The following ZNF700 variants were observed in gnomAD, a reference collection of about 807,000 sequenced individuals.
ZNF700 encodes zinc finger protein 700.
In ZNF700, 38 loss-of-function variants were observed where a neutral mutation model predicts 65.3. The ratio of observed to expected loss-of-function variants is 0.58; its 90% CI spans 0.45 to 0.76. The LOEUF is 0.76. Ranked by LOEUF, ZNF700 falls within the 30% of genes least tolerant of loss-of-function variation. The probability of loss-of-function intolerance (pLI) is 0.00; values close to 1 mark genes in which losing one functional copy is unlikely to be tolerated. For missense variants in ZNF700, 857 were observed against 888.4 expected, an observed-to-expected ratio of 0.96 and a Z score of 0.45; for synonymous variants, 285 against 290.4, an observed-to-expected ratio of 0.98 and a Z score of 0.19.
intron 1 of ZNF700, among the ~76,000 whole-genome samples, chr19:11,940,315 G>A (rs1198511209): frequency 1.3e-5 from 2 of 152,170 alleles, no homozygotes; most frequent in East Asian, 3.9e-4. Flanking sequence ...CTTCAAAAAT[G>A]AAGCCGTGGA....
rs561024599 is a variant in ZNF700 at position 11,928,942 on chromosome 19, TA to T, written c.63+3677del. On this transcript the variant is annotated intron_variant, in intron 1 of 3. Coordinates refer to ENST00000254321, the MANE Select transcript of ZNF700 (RefSeq NM_144566.3). ...TGTGAAAAATCATATTAATATAAGT[TA>T]AAAAAAATAGTGGAGAGGGAAAGGG... Among the ~76,000 whole-genome samples, 4 of 146,366 alleles carry T rather than the reference TA, an allele frequency of 2.7e-5. No individual in the cohort carries two copies. In the South Asian group the frequency reaches 6.3e-4, roughly 23 times the overall value.
intron 1 of ZNF700, among the ~76,000 whole-genome samples, chr19:11,934,573 C>A (rs1244968746): frequency 6.8e-6 from 1 of 147,600 alleles, no homozygotes; most frequent in Non-Finnish European, 1.5e-5. Flanking sequence ...GTTTCCCTGG[C>A]TGGAGTGCAA....
At chr19:11,941,501 T>C (rs1369793198) in intron 1 of ZNF700, among the ~76,000 whole-genome samples, 1 of 152,202 alleles carries the variant, frequency 6.6e-6, no homozygotes, top group Non-Finnish European at 1.5e-5. Context: ...CTGGCACTAC[T>C]GGGGGACCCA....
chr19:11,948,203 G>A (rs1405168180), intron 3 of ZNF700, 73 bp from the exon 4 acceptor site: 1 of 1,522,924 alleles, frequency 6.6e-7, no homozygotes, highest in Non-Finnish European at 8.9e-7. Flanking sequence ...AAAAATGCAA[G>A]TGCAATACTT....
intron 1 of ZNF700, among the ~76,000 whole-genome samples, chr19:11,934,179 AT>A (rs199944465): frequency 1.4e-5 from 2 of 146,620 alleles, no homozygotes; most frequent in African/African-American, 5.4e-5. Flanking sequence ...GACCTCATCT[AT>A]TTTTTTTTAA....
At chr19:11,941,038 A>G (rs1972873977) in intron 1 of ZNF700, among the ~76,000 whole-genome samples, 1 of 147,682 alleles carries the variant, frequency 6.8e-6, no homozygotes, top group Non-Finnish European at 1.5e-5. Flanking sequence ...AGGTTCTCCA[A>G]GGCCTCACCA....
At chr19:11,946,944 C>T (rs60697554) in intron 1 of ZNF700, 35,928 of 739,272 alleles carry the variant, frequency 0.049, 1,952 homozygotes, top group African/African-American at 0.23. Flanking sequence ...GCCAATATCA[C>T]GCCATTGTAC....
chr19:11,948,351 T>C lies in ZNF700; in HGVS notation c.327T>C (p.Asp109=). Residue 109 remains aspartate (D), a synonymous_variant, in exon 4 of 4, where the codon GAT becomes GAC. Transcript: ENST00000254321. The stretch of plus-strand genomic sequence containing the variant: ...GAGAAACTTTTACCCAGGTTCCAGA[T>C]GACAGACTGAACTTCCAGGAGAAGA... ...HCGETFTQVP[D]DRLNFQEKKA... is the part of the protein sequence containing the mutation. The C allele has an allele frequency of 6.2e-7, 1 of 1,613,986 alleles. No homozygotes were observed. The highest frequency in any genetic ancestry group is 1.1e-5 in the South Asian group (1 of 91,074).
intron 1 of ZNF700, among the ~76,000 whole-genome samples, chr19:11,932,185 A>G (rs1045808176): frequency 5.4e-5 from 8 of 147,074 alleles, no homozygotes; most frequent in African/African-American, 1.9e-4. Context: ...AACCTTGTCT[A>G]TACAAAAACT....
intron 1 of ZNF700, among the ~76,000 whole-genome samples, chr19:11,933,349 A>C (rs1272246517): frequency 2.7e-5 from 4 of 148,418 alleles, no homozygotes; most frequent in Non-Finnish European, 5.9e-5. Flanking sequence ...GAACACGATG[A>C]AAATTGAAGA....
intron 1 of ZNF700, among the ~76,000 whole-genome samples, chr19:11,946,447 G>A (rs992629959): frequency 6.6e-6 from 1 of 152,148 alleles, no homozygotes; most frequent in African/African-American, 2.4e-5. Context: ...CCCTTGGCGG[G>A]TGGGGAGAGA....
At position 11,929,455 on chromosome 19, in the gene ZNF700, G is replaced by A. The variant is rs1472290324; in HGVS notation, c.63+4182G>A. ...TGGGATTACGGGTGTGAACCACTGCGCCCGGCCTGACTCATTTGTTCAAAC... is the reference window on the plus strand; with the variant it reads ...TGGGATTACGGGTGTGAACCACTGCACCCGGCCTGACTCATTTGTTCAAAC... On this transcript the variant is annotated intron_variant, in intron 1 of 3. Transcript: ENST00000254321. Among the ~76,000 whole-genome samples the A allele has an allele frequency of 2.7e-5, 4 of 148,352 alleles. 1 individual carries two copies. The highest frequency in any genetic ancestry group is 1.3e-4 in the Admixed American group (2 of 15,104).
chr19:11,943,966 GT>G (rs989278736), intron 1 of ZNF700, among the ~76,000 whole-genome samples: 22 of 151,898 alleles, frequency 1.4e-4, no homozygotes, highest in African/African-American at 5.3e-4. Context: ...GGAGCTGCAG[GT>G]TTTACATGAC....
In ZNF700 at chr19:11,948,294, A is replaced by G; in HGVS notation, c.270A>G (p.Lys90=). 2 of 1,613,252 alleles carry G rather than the reference A, an allele frequency of 1.2e-6. No individual in the cohort carries two copies. The highest frequency in any genetic ancestry group is 1.7e-6 in the Non-Finnish European group (2 of 1,179,732). ...RRSFRSLIEE[K]VNEIKEDSHC... is the part of the protein sequence containing the mutation. ...TTTACAGGAGTCTCATAGAAGAGAA[A>G]GTCAATGAAATTAAAGAAGACAGTC... Residue 90 remains lysine (K), a synonymous_variant, in exon 4 of 4, where the codon AAA becomes AAG. Transcript: ENST00000254321.
intron 1 of ZNF700, among the ~76,000 whole-genome samples, chr19:11,935,124 C>T (rs1384606715): frequency 2.2e-5 from 3 of 134,820 alleles, no homozygotes; most frequent in Non-Finnish European, 4.6e-5. Context: ...TGCAGTGGGC[C>T]GAGATGGCAC....
At chr19:11,925,516 C>T (rs1194025057) in intron 1 of ZNF700, among the ~76,000 whole-genome samples, 1 of 151,678 alleles carries the variant, frequency 6.6e-6, no homozygotes, top group Non-Finnish European at 1.5e-5. Flanking sequence ...CCCCGGAGCC[C>T]TCTCTGGGCA....
At chr19:11,942,285 A>G (rs1038094162) in intron 1 of ZNF700, among the ~76,000 whole-genome samples, 4 of 151,504 alleles carry the variant, frequency 2.6e-5, no homozygotes, top group Non-Finnish European at 5.9e-5. Context: ...TAACAATGTC[A>G]TCAAAGATTA....
At position 11,926,216 on chromosome 19, in the gene ZNF700, T is replaced by G. The variant is rs1001295190; in HGVS notation, c.63+943T>G. The stretch of plus-strand genomic sequence containing the variant: ...GCCTTAGGTTTTGTTTGTAAGTTAG[T>G]ATCTTCTTGCCACAAGCAGTCTGTT... On this transcript the variant is annotated intron_variant, in intron 1 of 3. Coordinates refer to ENST00000254321, the MANE Select transcript of ZNF700 (RefSeq NM_144566.3). 4.6e-4 allele frequency among the ~76,000 whole-genome samples: 70 copies of G among 152,190 alleles called. 1 individual carries two copies. Among genetic ancestry groups the G allele is most frequent in the Admixed American group, 2.0e-4 (3 of 15,276 alleles).
chr19:11,925,473 G>A (rs1040314985), intron 1 of ZNF700, among the ~76,000 whole-genome samples, 200 bp downstream of exon 1: 16 of 152,116 alleles, frequency 1.1e-4, no homozygotes, highest in Non-Finnish European at 2.9e-5. Context: ...GTCCTGTCCC[G>A]TCCCTGCGCG....
Sources: gnomAD v4.1 joint callset for allele counts (sites outside exome capture counted in the v4.1 genomes callset) on GRCh38, gnomAD v4.1.1 for gene constraint, MANE v1.5 for transcripts, NCBI Gene and HGNC (gene_info 2026-07-23, HGNC 2026-07-21) for gene names.